The following SLC2A14 variants were observed in gnomAD, a reference collection of about 807,000 sequenced individuals.
SLC2A14 encodes the protein solute carrier family 2 member 14, also known as solute carrier family 2, facilitated glucose transporter member 14.
Under a neutral mutation model 43.0 loss-of-function variants are expected in SLC2A14, and 13 were observed. The observed-to-expected ratio is 0.30, with a 90% confidence interval of 0.20 to 0.48. The LOEUF (loss-of-function observed/expected upper bound fraction) is 0.48. Ranked by LOEUF, SLC2A14 falls within the 20% of genes least tolerant of loss-of-function variation. The probability of loss-of-function intolerance (pLI) is 0.99; values close to 1 mark genes in which losing one functional copy is unlikely to be tolerated. For synonymous variants in SLC2A14, 190 were observed against 233.8 expected, an observed-to-expected ratio of 0.81 and a Z score of 1.71; for missense variants, 428 against 620.4, an observed-to-expected ratio of 0.69 and a Z score of 3.29.
At chr12:7,861,425 C>T (rs1377148411) in intron 2 of SLC2A14, among the ~76,000 whole-genome samples, 2 of 152,030 alleles carry the variant, frequency 1.3e-5, no homozygotes, top group Non-Finnish European at 2.9e-5. Context: ...GCTAGCTTTT[C>T]CATTGCTTTT....
chr12:7,878,314 G>A (rs192596917), upstream of SLC2A14, among the ~76,000 whole-genome samples: 4 of 151,778 alleles, frequency 2.6e-5, no homozygotes, highest in Non-Finnish European at 5.9e-5. Flanking sequence ...GCCTCCCAAA[G>A]TGCTGAGATC....
chr12:7,881,177 C>A (rs1431672627), intron 1 of SLC2A14, among the ~76,000 whole-genome samples: 1 of 152,122 alleles, frequency 6.6e-6, no homozygotes, highest in East Asian at 1.9e-4. Context: ...CCCACTTTGG[C>A]GGCACGTGAG....
chr12:7,883,574 TTTTTCTTTTTC>T (rs1945630376), intron 1 of SLC2A14, among the ~76,000 whole-genome samples: 2 of 127,856 alleles, frequency 1.6e-5, no homozygotes, highest in Non-Finnish European at 3.3e-5. Flanking sequence ...CCTCTTTTTC[TTTTTCTTTTTC>T]TTTTCTTTTT....
rs1457304892 is a variant in SLC2A14 at position 7,869,937 on chromosome 12, C to T, written c.-57G>A. ...CCAATTTCTCTTCAAGGTACTGCTT[C>T]CTGTAAATTGTAATTGTCTAGTTAT... On this transcript the variant is annotated splice_region_variant and 5_prime_UTR_variant, in exon 2 of 11. Coordinates refer to ENST00000431042, the MANE Select transcript of SLC2A14 (RefSeq NM_001286234.2). 4.6e-6 allele frequency: 7 copies of T among 1,519,302 alleles called. No homozygotes were observed. Among genetic ancestry groups the T allele is most frequent in the Non-Finnish European group, 6.2e-6 (7 of 1,135,494 alleles). 94.1% of individuals were successfully genotyped at this position (1,519,302 alleles called of 1,614,324 possible).
intron 2 of SLC2A14, among the ~76,000 whole-genome samples, chr12:7,833,852 A>C (rs1288352925): frequency 2.0e-5 from 3 of 151,900 alleles, no homozygotes; most frequent in Non-Finnish European, 4.4e-5. Flanking sequence ...CTTGCCTGGA[A>C]TAATTCAGCT....
chr12:7,853,221 A>T (rs1028360581), intron 2 of SLC2A14, among the ~76,000 whole-genome samples: 1 of 151,890 alleles, frequency 6.6e-6, no homozygotes, highest in Non-Finnish European at 1.5e-5. Flanking sequence ...TGGATGGATC[A>T]TGAGGTCAGG....
At chr12:7,861,393 T>C (rs1207821089) in intron 2 of SLC2A14, among the ~76,000 whole-genome samples, 28 of 152,164 alleles carry the variant, frequency 1.8e-4, no homozygotes, top group Non-Finnish European at 8.8e-5. Flanking sequence ...TATTATCTGG[T>C]ATACATGCTT....
At chr12:7,833,528 AGGCCAAGGCAGGTG>A (rs1399533574) in intron 2 of SLC2A14, among the ~76,000 whole-genome samples, 3 of 152,144 alleles carry the variant, frequency 2.0e-5, no homozygotes, top group Non-Finnish European at 2.9e-5. Flanking sequence ...GCACTTTGGG[AGGCCAAGGCAGGTG>A]GGCCAAGGCA....
In SLC2A14 at chr12:7,813,656, C is replaced by T. The variant is rs1295241688; in HGVS notation, c.*660G>A. 1 of 152,956 alleles carries T rather than the reference C, an allele frequency of 6.5e-6. No individual in the cohort carries two copies. The highest frequency in any genetic ancestry group is 1.9e-4 in the East Asian group (1 of 5,208). 9.5% of individuals were successfully genotyped at this position (152,956 alleles called of 1,614,324 possible). ...GACCTCAGGCACCACATCATTTACC[C>T]TCCAATAATGAACAACATTTCTCCC... On this transcript the variant is annotated 3_prime_UTR_variant, in exon 11 of 11. Transcript: ENST00000431042.
In SLC2A14 at chr12:7,828,823, G is replaced by T. The variant is rs202006975; in HGVS notation, c.557C>A (p.Pro186Gln). ...ELILGSEELW[P>Q]VLLGFTILPA... ...AAGGATGGTAAAGCCTAATAGCACCGGCCATAGCTCTTCAGACCCAAGGAT... is the reference window on the plus strand; with the variant it reads ...AAGGATGGTAAAGCCTAATAGCACCTGCCATAGCTCTTCAGACCCAAGGAT... Residue 186 changes from proline to glutamine, a missense_variant, in exon 6 of 11, where the codon CCG becomes CAG. Physicochemically the swap from Pro to Gln is moderately conservative, Grantham distance 76 (BLOSUM62 -1). Coordinates refer to ENST00000431042, the MANE Select transcript of SLC2A14 (RefSeq NM_001286234.2). 6.2e-7 allele frequency: 1 copy of T among 1,614,102 alleles called. No homozygotes were observed. The highest frequency in any genetic ancestry group is 8.5e-7 in the Non-Finnish European group (1 of 1,180,012).
In SLC2A14 at chr12:7,827,567, C is replaced by T; in HGVS notation, c.792G>A (p.Val264=). The T allele has an allele frequency of 6.2e-7, 1 of 1,613,164 alleles. No homozygotes were observed. Among genetic ancestry groups the T allele is most frequent in the Non-Finnish European group, 8.5e-7 (1 of 1,179,846 alleles). ...KQVTVLELFR[V]SSYRQPIIIS... is the part of the protein sequence containing the mutation. ...TGATGATGGGCTGTCGGTAGCTGGA[C>T]ACTCTAAAGAGCTCCAGCACGGTGA... Residue 264 remains valine, a synonymous_variant, in exon 7 of 11, where the codon GTG becomes GTA. Transcript: ENST00000431042.
At chr12:7,836,571 T>C (rs1865480605) in intron 2 of SLC2A14, among the ~76,000 whole-genome samples, 1 of 152,118 alleles carries the variant, frequency 6.6e-6, no homozygotes, top group Admixed American at 6.5e-5. Flanking sequence ...GGCTCACACC[T>C]GTAAGCCCAG....
Position 7,830,158 on chromosome 12 carries a change from T to TTTC in SLC2A14, c.273-153_273-152insGAA, listed in dbSNP as rs1491122027. The TTTC allele has an allele frequency of 8.2e-3, 11 of 1,344 alleles. No homozygotes were observed. The Admixed American group carries it at 0.18, about 23-fold the overall frequency. 0.1% of individuals were successfully genotyped at this position (1,344 alleles called of 1,614,324 possible). A position where few individuals can be genotyped will look rare whatever the true frequency, so the allele number is the denominator to read the frequency against. On this transcript the variant is annotated intron_variant, in intron 4 of 10. Coordinates refer to ENST00000431042, the MANE Select transcript of SLC2A14 (RefSeq NM_001286234.2). ...TTTTCACTTTCTTTTCTTTTCTTTC[T>TTTC]TTTTTTTTTTTTGAGACAGAGTCTC... is the stretch of plus-strand genomic sequence containing the variant.
At chr12:7,841,715 C>T (rs1865959873) in intron 2 of SLC2A14, among the ~76,000 whole-genome samples, 1 of 152,014 alleles carries the variant, frequency 6.6e-6, no homozygotes, top group South Asian at 2.1e-4. Context: ...CCCTAAAAAT[C>T]CCATGTTCCA....
intron 10 of SLC2A14, 73 bp downstream of exon 10, chr12:7,817,758 A>AGATAGATAGAT (rs1863591888): frequency 2.4e-5 from 33 of 1,380,360 alleles, no homozygotes; most frequent in Non-Finnish European, 2.2e-5. Context: ...ATATATAGAT[A>AGATAGATAGAT]GATAGATAGA....
Position 7,826,863 on chromosome 12 carries a change from TTC to T in SLC2A14, c.864+630_864+631del, listed in dbSNP as rs746689066. Among the ~76,000 whole-genome samples, 105 of 24,874 alleles carry T rather than the reference TTC, an allele frequency of 4.2e-3. 11 individuals carry two copies. The highest frequency in any genetic ancestry group is 0.01 in the South Asian group (10 of 962). The allele number at this position is 24,874 out of a possible 152,430, so 16.3% of individuals were successfully genotyped here. A position where few individuals can be genotyped will look rare whatever the true frequency, so the allele number is the denominator to read the frequency against. ...CTTCCTTCCTTCCTTCCTTTCTTTT[TTC>T]TTTCTTTCTTTCTTTCTTTCTTTCT... On this transcript the variant is annotated intron_variant, in intron 7 of 10. Transcript: ENST00000431042.
intron 2 of SLC2A14, among the ~76,000 whole-genome samples, chr12:7,835,100 T>TAAAAA (rs35514872): frequency 6.9e-6 from 1 of 144,074 alleles, no homozygotes; most frequent in Non-Finnish European, 1.5e-5. Context: ...GTAGCTCTAT[T>TAAAAA]AAAAAAAAAA....
intron 4 of SLC2A14, 112 bp downstream of exon 4, chr12:7,831,491 GA>G: frequency 6.8e-7 from 1 of 1,477,942 alleles, no homozygotes; most frequent in Non-Finnish European, 9.2e-7. Flanking sequence ...CCCTTGATTA[GA>G]ATTCAAGGTG....
At chr12:7,890,118 G>C (rs1945750480) in intron 1 of SLC2A14, among the ~76,000 whole-genome samples, 1 of 151,972 alleles carries the variant, frequency 6.6e-6, no homozygotes, top group Non-Finnish European at 1.5e-5. Flanking sequence ...CTATGACTTA[G>C]AACATCTTAA....
Sources: gnomAD v4.1 joint callset for allele counts (sites outside exome capture counted in the v4.1 genomes callset) on GRCh38, gnomAD v4.1.1 for gene constraint, MANE v1.5 for transcripts, NCBI Gene and HGNC (gene_info 2026-07-23, HGNC 2026-07-21) for gene names.